The following NEK11 variants were observed in gnomAD, a reference collection of about 807,000 sequenced individuals.
NEK11 encodes serine/threonine-protein kinase Nek11.
In NEK11, 72 loss-of-function variants were observed where a neutral mutation model predicts 80.7. The observed-to-expected ratio is 0.89, with a 90% CI of 0.74 to 1.08. The LOEUF is 1.08. Among genes scored for constraint, NEK11 ranks in the 50% least tolerant of loss-of-function variants. The pLI is 0.00. For missense variants in NEK11, 764 were observed against 763.6 expected, an observed-to-expected ratio of 1.00 and a Z score of -0.01; for synonymous variants, 251 against 260.7, an observed-to-expected ratio of 0.96 and a Z score of 0.36.
chr3:131,213,520 C>T (rs566561127), intron 14 of NEK11, among the ~76,000 whole-genome samples: 19 of 152,120 alleles, frequency 1.2e-4, no homozygotes, highest in South Asian at 6.2e-4. Context: ...GAAAATACAA[C>T]GAGAAAAAAG....
At chr3:131,070,377 G>T (rs893749033) in intron 3 of NEK11, among the ~76,000 whole-genome samples, 6 of 152,198 alleles carry the variant, frequency 3.9e-5, no homozygotes, top group African/African-American at 1.4e-4. Context: ...CTTCAGGGTT[G>T]TGGTACTTGG....
At chr3:131,042,576 G>T (rs1426743639) in intron 3 of NEK11, among the ~76,000 whole-genome samples, 2 of 152,186 alleles carry the variant, frequency 1.3e-5, no homozygotes, top group Non-Finnish European at 1.5e-5. Flanking sequence ...CTCCTCTCTG[G>T]CAGGGCATCT....
At position 131,268,052 on chromosome 3, in the gene NEK11, G is replaced by C. The variant is rs1581154133; in HGVS notation, c.1622-5426G>C. Among the ~76,000 whole-genome samples, 6 of 151,964 alleles carry C rather than the reference G, an allele frequency of 3.9e-5. No individual in the cohort carries two copies. The South Asian group carries it at 1.3e-3, about 32-fold the overall frequency. On this transcript the variant is annotated intron_variant, in intron 16 of 17. Transcript: ENST00000383366. Reference sequence around the variant, plus strand: ...GTCTCTGATATCCTTTCTTCCACTTGATCAGTTCAGCTATTGATACTTGTG... The same window carrying C: ...GTCTCTGATATCCTTTCTTCCACTTCATCAGTTCAGCTATTGATACTTGTG...
intron 4 of NEK11, among the ~76,000 whole-genome samples, chr3:131,082,221 C>T (rs2075374658): frequency 1.3e-5 from 2 of 152,172 alleles, no homozygotes; most frequent in Admixed American, 6.5e-5. Context: ...GTCACCAATT[C>T]GTGCAAAACT....
intron 3 of NEK11, among the ~76,000 whole-genome samples, chr3:131,063,503 G>C (rs532091864): frequency 2.9e-4 from 44 of 152,294 alleles, no homozygotes; most frequent in African/African-American, 1.0e-3. Context: ...AGAAAGGAAG[G>C]GGACAGAGTG....
At chr3:131,031,768 C>G (rs1199665554) in intron 3 of NEK11, among the ~76,000 whole-genome samples, 2 of 152,036 alleles carry the variant, frequency 1.3e-5, no homozygotes, top group Admixed American at 6.6e-5. Context: ...CTGAAGATGG[C>G]AGACATGTTT....
At chr3:131,193,029 A>G (rs1387550424) in intron 14 of NEK11, among the ~76,000 whole-genome samples, 1 of 152,208 alleles carries the variant, frequency 6.6e-6, no homozygotes, top group Non-Finnish European at 1.5e-5. Context: ...TTATATCTAT[A>G]GATATATACC....
At chr3:131,041,570 GTA>G (rs1195884880) in intron 3 of NEK11, among the ~76,000 whole-genome samples, 1 of 152,130 alleles carries the variant, frequency 6.6e-6, no homozygotes, top group Non-Finnish European at 1.5e-5. Flanking sequence ...ATGTGTGTGT[GTA>G]TGTGTGTGTT....
intron 17 of NEK11, among the ~76,000 whole-genome samples, chr3:131,311,136 CA>C (rs199677023): frequency 0.014 from 2,112 of 152,124 alleles, 34 homozygotes; most frequent in African/African-American, 0.044. Context: ...TAAACCGATG[CA>C]TAATATTTAT....
intron 17 of NEK11, chr3:131,328,490 C>T (rs975703210): frequency 1.3e-5 from 2 of 152,096 alleles, no homozygotes; most frequent in Non-Finnish European, 2.9e-5. Flanking sequence ...CAACAGTCTT[C>T]TGCCTTTAGT....
chr3:131,328,570 C>G (rs944295495), intron 17 of NEK11: 4 of 152,158 alleles, frequency 2.6e-5, no homozygotes, highest in African/African-American at 7.2e-5. Flanking sequence ...GTAGCACTTC[C>G]GGGCAGACAA....
chr3:131,066,556 G>A lies in NEK11; in HGVS notation c.171-13867G>A, dbSNP rs139629774. Among the ~76,000 whole-genome samples the A allele has an allele frequency of 4.8e-3, 737 of 152,196 alleles. 11 individuals carry two copies. Among genetic ancestry groups the A allele is most frequent in the African/African-American group, 0.017 (692 of 41,532 alleles). On this transcript the variant is annotated intron_variant, in intron 3 of 17. Coordinates refer to ENST00000383366, the MANE Select transcript of NEK11 (RefSeq NM_024800.5). ...CGGGATTTGGAAGTGGGGGCCAGGT[G>A]CGGTGGCTCACGCCTGTCTGTAATC...
intron 5 of NEK11, among the ~76,000 whole-genome samples, chr3:131,112,392 A>G (rs1250365574): frequency 1.3e-5 from 2 of 152,172 alleles, no homozygotes; most frequent in African/African-American, 4.8e-5. Flanking sequence ...ACCTAAGATA[A>G]GTCAGAATAG....
intron 3 of NEK11, among the ~76,000 whole-genome samples, chr3:131,034,544 C>T (rs549060693): frequency 1.4e-4 from 21 of 152,262 alleles, no homozygotes; most frequent in South Asian, 1.2e-3. Context: ...GGACTACAGG[C>T]GCCCGCCACC....
chr3:131,281,172 T>A (rs1163099840), intron 17 of NEK11, among the ~76,000 whole-genome samples: 3 of 152,236 alleles, frequency 2.0e-5, no homozygotes, highest in African/African-American at 7.2e-5. Flanking sequence ...ATACTTTTGT[T>A]AATTATGTAA....
intron 4 of NEK11, among the ~76,000 whole-genome samples, chr3:131,087,800 C>A (rs2149108372): frequency 6.6e-6 from 1 of 152,288 alleles, no homozygotes; most frequent in South Asian, 2.1e-4. Flanking sequence ...TGTAGAACTT[C>A]ATATTGGGTG....
intron 3 of NEK11, among the ~76,000 whole-genome samples, chr3:131,051,415 G>A (rs898881276): frequency 6.6e-6 from 1 of 152,140 alleles, no homozygotes; most frequent in Non-Finnish European, 1.5e-5. Context: ...TATTTGCCAG[G>A]TCTAAAATAC....
intron 14 of NEK11, among the ~76,000 whole-genome samples, chr3:131,197,899 C>G (rs946864974): frequency 3.3e-5 from 5 of 152,022 alleles, no homozygotes; most frequent in African/African-American, 1.2e-4. Flanking sequence ...TTCTATTTCC[C>G]TTTCCTTTCC....
At chr3:131,064,354 T>C (rs2071475208) in intron 3 of NEK11, among the ~76,000 whole-genome samples, 1 of 152,158 alleles carries the variant, frequency 6.6e-6, no homozygotes, top group Non-Finnish European at 1.5e-5. Context: ...CTGAGGCTGC[T>C]CTCCTTGGCT....
Sources: gnomAD v4.1 joint callset for allele counts (sites outside exome capture counted in the v4.1 genomes callset) on GRCh38, gnomAD v4.1.1 for gene constraint, MANE v1.5 for transcripts, NCBI Gene and HGNC (gene_info 2026-07-23, HGNC 2026-07-21) for gene names.